Variants in PTCHD4 observed in about 807,000 individuals in gnomAD.
The protein encoded by PTCHD4 is patched domain containing 4, also known as patched domain-containing protein 4.
A neutral mutation model predicts 58.1 loss-of-function variants in PTCHD4; 33 were observed. That is an observed-to-expected ratio of 0.57 (90% CI 0.43 to 0.76). PTCHD4 has a LOEUF of 0.76. Ranked by LOEUF, PTCHD4 falls within the 30% of genes least tolerant of loss-of-function variation. The pLI is 0.00. For synonymous variants in PTCHD4, 478 were observed against 409.6 expected, an observed-to-expected ratio of 1.17 and a Z score of -2.02; for missense variants, 1,058 against 1,027.1, an observed-to-expected ratio of 1.03 and a Z score of -0.41.
chr6:47,962,042 A>C (rs1364181343), intron 4 of PTCHD4, among the ~76,000 whole-genome samples: 1 of 152,138 alleles, frequency 6.6e-6, no homozygotes, highest in East Asian at 1.9e-4. Flanking sequence ...GGAAAAATAA[A>C]GAAGAAAAAA....
At chr6:48,014,733 G>A (rs1762809037) in intron 3 of PTCHD4, among the ~76,000 whole-genome samples, 1 of 152,094 alleles carries the variant, frequency 6.6e-6, no homozygotes, top group African/African-American at 2.4e-5. Flanking sequence ...TGGATTATTT[G>A]TATAATTGAT....
At chr6:48,037,977 TA>T (rs376618671) in intron 3 of PTCHD4, among the ~76,000 whole-genome samples, 167 of 149,234 alleles carry the variant, frequency 1.1e-3, no homozygotes, top group African/African-American at 3.9e-3. Flanking sequence ...TTTGTTCAGA[TA>T]AAAAAAAATC....
chr6:47,883,391 T>C (rs932871468), intron 4 of PTCHD4, among the ~76,000 whole-genome samples: 13 of 152,124 alleles, frequency 8.5e-5, no homozygotes, highest in Admixed American at 8.5e-4. Flanking sequence ...GAAGAGAATA[T>C]GTCAGAGTGA....
chr6:47,967,109 T>C (rs1176030686), intron 4 of PTCHD4, among the ~76,000 whole-genome samples: 1 of 152,214 alleles, frequency 6.6e-6, no homozygotes, highest in African/African-American at 2.4e-5. Context: ...TTACAAAATG[T>C]ATTTCTTAAT....
intron 4 of PTCHD4, among the ~76,000 whole-genome samples, chr6:47,912,434 A>G (rs1408799458): frequency 3.3e-5 from 5 of 152,150 alleles, no homozygotes; most frequent in Non-Finnish European, 5.9e-5. Context: ...TTGCCAATGC[A>G]TTACAAGACT....
In PTCHD4 at chr6:48,014,633, C is replaced by T. The variant is rs191540953; in HGVS notation, c.418-5519G>A. ...CATAATAATTAAGTAATTTTCAGCT[C>T]TATTTTTCTATGAAAATACAATGCA... On this transcript the variant is annotated intron_variant, in intron 3 of 4. Transcript: ENST00000339488. Among the ~76,000 whole-genome samples, 174 of 152,210 alleles carry T rather than the reference C, an allele frequency of 1.1e-3. 2 individuals carry two copies. Among genetic ancestry groups the T allele is most frequent in the Non-Finnish European group, 2.0e-3 (139 of 67,986 alleles).
At chr6:47,922,848 C>T (rs1297574373) in intron 4 of PTCHD4, among the ~76,000 whole-genome samples, 2 of 152,200 alleles carry the variant, frequency 1.3e-5, no homozygotes, top group Non-Finnish European at 2.9e-5. Context: ...AATGGACTCT[C>T]TTTACATGCC....
At chr6:48,088,285 C>G (rs1765299866) in intron 1 of PTCHD4, among the ~76,000 whole-genome samples, 1 of 152,162 alleles carries the variant, frequency 6.6e-6, no homozygotes, top group African/African-American at 2.4e-5. Flanking sequence ...TAATTTTTCT[C>G]TCTTAACATA....
intron 3 of PTCHD4, among the ~76,000 whole-genome samples, chr6:48,027,970 C>T (rs1763302853): frequency 6.6e-6 from 1 of 152,012 alleles, no homozygotes; most frequent in South Asian, 2.1e-4. Context: ...TTGAGACAGT[C>T]TCGCTCTATT....
intron 4 of PTCHD4, among the ~76,000 whole-genome samples, chr6:47,982,241 G>A (rs1767905238): frequency 6.6e-6 from 1 of 152,016 alleles, no homozygotes; most frequent in South Asian, 2.1e-4. Context: ...AATATCCATA[G>A]CAGCATGTTT....
chr6:47,967,084 A>G (rs1767322532), intron 4 of PTCHD4, among the ~76,000 whole-genome samples: 1 of 152,210 alleles, frequency 6.6e-6, no homozygotes, highest in Admixed American at 6.5e-5. Flanking sequence ...ATCACTATCT[A>G]GAGCAACTAG....
intron 3 of PTCHD4, among the ~76,000 whole-genome samples, chr6:48,038,539 C>T (rs1763729440): frequency 6.6e-6 from 1 of 151,606 alleles, no homozygotes. Flanking sequence ...ACTCGGGAGG[C>T]TGAGGCATAA....
chr6:47,998,231 T>G (rs1027520202), intron 4 of PTCHD4, among the ~76,000 whole-genome samples: 40 of 152,264 alleles, frequency 2.6e-4, no homozygotes, highest in African/African-American at 9.4e-4. Flanking sequence ...GCTTAGATGC[T>G]GGAGAAATGG....
chr6:47,893,104 G>C lies in PTCHD4; in HGVS notation c.899-13168C>G, dbSNP rs531365884. 3.3e-5 allele frequency among the ~76,000 whole-genome samples: 5 copies of C among 152,226 alleles called. No individual in the cohort carries two copies. The South Asian group carries it at 1.0e-3, about 32-fold the overall frequency. ...TGGCTCACTGCAACCTCTGCCTCCC[G>C]GGTTCAAGCGATTTTCCTGCCTCAG... On this transcript the variant is annotated intron_variant, in intron 4 of 4. Transcript: ENST00000339488.
intron 4 of PTCHD4, among the ~76,000 whole-genome samples, chr6:47,921,420 A>G (rs974032794): frequency 1.1e-4 from 17 of 152,140 alleles, no homozygotes; most frequent in African/African-American, 4.1e-4. Context: ...TTAATCTCTT[A>G]CCCAAATATC....
chr6:47,871,034 C>G lies in PTCHD4; in HGVS notation c.*7269G>C, dbSNP rs1358887279. On this transcript the variant is annotated 3_prime_UTR_variant, in exon 5 of 5. Coordinates refer to ENST00000339488, the MANE Select transcript of PTCHD4 (RefSeq NM_001384253.1). ...TAATTTCATACATTTAGTCACCCTT[C>G]TTTGCTGTAGAAACTGGTATTTTGT... 6.6e-6 allele frequency among the ~76,000 whole-genome samples: 1 copy of G among 151,584 alleles called. No individual in the cohort carries two copies. The highest frequency in any genetic ancestry group is 1.5e-5 in the Non-Finnish European group (1 of 67,696).
chr6:48,021,757 A>C (rs974755385), intron 3 of PTCHD4, among the ~76,000 whole-genome samples: 1 of 151,996 alleles, frequency 6.6e-6, no homozygotes, highest in African/African-American at 2.4e-5. Context: ...TCTAATTTCT[A>C]TTTTGCTTTG....
rs188547494 is a variant in PTCHD4 at position 47,919,198 on chromosome 6, T to C, written c.899-39262A>G. 8.5e-5 allele frequency among the ~76,000 whole-genome samples: 13 copies of C among 152,252 alleles called. No homozygotes were observed. The East Asian group carries it at 2.3e-3, about 27-fold the overall frequency. ...AACCCAAACTCACATTCAACTAAAA[T>C]AGGTATTCAATCATTCAACAAATTG... On this transcript the variant is annotated intron_variant, in intron 4 of 4. Coordinates refer to ENST00000339488, the MANE Select transcript of PTCHD4 (RefSeq NM_001384253.1).
chr6:48,008,567 A>T, intron 4 of PTCHD4, 67 bp downstream of exon 4: 1 of 1,507,154 alleles, frequency 6.6e-7, no homozygotes, highest in Non-Finnish European at 8.9e-7. Context: ...CCACCTGAGA[A>T]TTCAAGAAAT....
Sources: allele counts gnomAD v4.1 joint callset (sites outside exome capture counted in the v4.1 genomes callset), GRCh38; gene constraint gnomAD v4.1.1; transcripts MANE v1.5; gene names NCBI Gene and HGNC (gene_info 2026-07-23, HGNC 2026-07-21).